The following AMBP variants were observed in gnomAD, a reference collection of about 807,000 sequenced individuals.
AMBP encodes the protein alpha-1-microglobulin/bikunin precursor.
A neutral mutation model predicts 46.3 loss-of-function variants in AMBP; 37 were observed. The observed-to-expected ratio is 0.80, with a 90% confidence interval of 0.61 to 1.05. The LOEUF (loss-of-function observed/expected upper bound fraction) is 1.05, where lower values mean the gene tolerates loss of function less well. Ranked by LOEUF, AMBP falls within the 50% of genes least tolerant of loss-of-function variation. The pLI, the probability that AMBP is intolerant of heterozygous loss-of-function variation, is 0.00. For synonymous variants in AMBP, 174 were observed against 175.9 expected (o/e 0.99, Z 0.09); for missense variants, 475 against 461.2 (o/e 1.03, Z -0.27).
Position 114,078,297 on chromosome 9 carries a change from A to C in AMBP, c.-88T>G, listed in dbSNP as rs1406885972. The C allele has an allele frequency of 1.5e-6, 2 of 1,316,052 alleles. No homozygotes were observed. The highest frequency in any genetic ancestry group is 1.5e-5 in the African/African-American group (1 of 68,692). 81.5% of individuals were successfully genotyped at this position (1,316,052 alleles called of 1,614,324 possible). On this transcript the variant is annotated 5_prime_UTR_variant, in exon 1 of 10. Coordinates refer to ENST00000265132, the MANE Select transcript of AMBP (RefSeq NM_001633.4). ...GCCTCCCTGCAACAGGGCAGCTGTG[A>C]ACTGAGGCTGGGGAAGGGGCCTGTG...
Position 114,061,438 on chromosome 9 carries a change from G to A in AMBP, c.839C>T (p.Thr280Ile). ...CCCGCACTCACCCACAGTTCGGCAG[G>A]TCTGCAGACACTCCTTTTCTGTGAC... The part of the protein sequence containing the change: ...NFVTEKECLQ[T>I]CRTVAACNLP... Residue 280 changes from threonine (T) to isoleucine (I), a missense_variant, in exon 8 of 10, where the codon ACC becomes ATC. This residue lies in a region of AMBP where 293 missense variants were observed against 276.9 expected (regional missense o/e 1.06). Coordinates refer to ENST00000265132, the MANE Select transcript of AMBP (RefSeq NM_001633.4). 6.2e-7 allele frequency: 1 copy of A among 1,614,102 alleles called. No homozygotes were observed. Among genetic ancestry groups the A allele is most frequent in the Non-Finnish European group, 8.5e-7 (1 of 1,180,010 alleles).
At chr9:114,069,806 A>C in intron 5 of AMBP, 61 bp from the exon 6 acceptor site, 2 of 1,566,822 alleles carry the variant, frequency 1.3e-6, no homozygotes, top group Non-Finnish European at 1.8e-6. Flanking sequence ...GCCATCCTAG[A>C]CCCGGATTTG....
At position 114,062,696 on chromosome 9, in the gene AMBP, A is replaced by AGTT; in HGVS notation, c.663_665dup (p.Thr222dup). On this transcript the variant is annotated inframe_insertion, in exon 7 of 10. Coordinates refer to ENST00000265132, the MANE Select transcript of AMBP (RefSeq NM_001633.4). ...CATTACCTTCTTTCTTGGTGACTTC[A>AGTT]GTTACCAGTTGCCCACCCCCTGATC... 1 of 1,613,866 alleles carries AGTT rather than the reference A, an allele frequency of 6.2e-7. No homozygotes were observed. Among genetic ancestry groups the AGTT allele is most frequent in the Non-Finnish European group, 8.5e-7 (1 of 1,179,976 alleles).
At chr9:114,063,096 A>G (rs1846658331) in intron 6 of AMBP, among the ~76,000 whole-genome samples, 1 of 152,156 alleles carries the variant, frequency 6.6e-6, no homozygotes, top group Non-Finnish European at 1.5e-5. Context: ...CCCTCACACT[A>G]AAGATGTGAA....
chr9:114,061,451 CCTTTT>C lies in AMBP; in HGVS notation c.821_825del (p.Glu274GlyfsTer31), dbSNP rs1258879878. ...ACAGTTCGGCAGGTCTGCAGACACT[CCTTTT>C]CTGTGACGAAGTTGTTACCGTTGCC... On this transcript the variant is annotated frameshift_variant, in exon 8 of 10. Coordinates refer to ENST00000265132, the MANE Select transcript of AMBP (RefSeq NM_001633.4). LOFTEE classifies it high-confidence loss of function. The C allele has an allele frequency of 6.2e-7, 1 of 1,614,096 alleles. No homozygotes were observed. The highest frequency in any genetic ancestry group is 8.5e-7 in the Non-Finnish European group (1 of 1,180,020).
chr9:114,075,136 G>T, intron 2 of AMBP, 100 bp from the exon 3 acceptor site: 1 of 911,946 alleles, frequency 1.1e-6, no homozygotes, highest in Non-Finnish European at 1.7e-6. Flanking sequence ...CTTGGTTTTG[G>T]GGTTTTTTTG....
chr9:114,065,110 A>G (rs1588488599), intron 6 of AMBP, among the ~76,000 whole-genome samples: 2 of 152,208 alleles, frequency 1.3e-5, no homozygotes, highest in Non-Finnish European at 2.9e-5. Flanking sequence ...CATCCAGAAC[A>G]TTCAGCAGTC....
intron 6 of AMBP, among the ~76,000 whole-genome samples, chr9:114,067,711 T>C (rs138332228): frequency 4.2e-3 from 637 of 152,228 alleles, no homozygotes; most frequent in Non-Finnish European, 3.8e-3. Context: ...TTCATAGCAA[T>C]AATCGGCGCT....
Position 114,060,186 on chromosome 9 carries a change from C to T in AMBP, c.*53G>A, listed in dbSNP as rs1846618143. On this transcript the variant is annotated 3_prime_UTR_variant, in exon 10 of 10. Transcript: ENST00000265132. Reference sequence around the variant, plus strand: ...CCAGGTTGCTTGGCGCTGCCTGCCACAGGACCCCGGGACAGACACTGGCCA... The same window carrying T: ...CCAGGTTGCTTGGCGCTGCCTGCCATAGGACCCCGGGACAGACACTGGCCA... 1 of 1,578,174 alleles carries T rather than the reference C, an allele frequency of 6.3e-7. No individual in the cohort carries two copies. Among genetic ancestry groups the T allele is most frequent in the Non-Finnish European group, 8.6e-7 (1 of 1,159,896 alleles).
intron 7 of AMBP, 66 bp downstream of exon 7, chr9:114,062,611 G>T: frequency 6.6e-7 from 1 of 1,518,160 alleles, no homozygotes; most frequent in Non-Finnish European, 9.1e-7. Context: ...TAGCCAGGGT[G>T]AGCCAACTGT....
In AMBP at chr9:114,060,951, C is replaced by G. The variant is rs758356597; in HGVS notation, c.1001G>C (p.Arg334Thr). The change falls in exon 9 of 10, where the codon AGA becomes ACA. Residue 334 changes from arginine to threonine, a missense_variant. Around this residue, in one of 3 missense-constraint regions of AMBP, gnomAD observed 293 missense variants for 276.9 expected, o/e 1.06. Coordinates refer to ENST00000265132, the MANE Select transcript of AMBP (RefSeq NM_001633.4). Reference sequence around the variant, plus strand: ...ATCACCAGGGACACCGCAGTACTCTCTGCACTCCTTCTCTGAGTAGAACTT... The same window carrying G: ...ATCACCAGGGACACCGCAGTACTCTGTGCACTCCTTCTCTGAGTAGAACTT... ...GNKFYSEKEC[R>T]EYCGVPGDGD... 2.2e-5 allele frequency: 36 copies of G among 1,614,230 alleles called. No individual in the cohort carries two copies. In the East Asian group the frequency reaches 7.1e-4, roughly 32 times the overall value.
chr9:114,076,471 G>A, intron 2 of AMBP, 127 bp downstream of exon 2: 2 of 1,359,432 alleles, frequency 1.5e-6, no homozygotes, highest in Non-Finnish European at 2.0e-6. Flanking sequence ...AGCGTAGAGG[G>A]ATCTGGGGTT....
At chr9:114,070,484 C>T (rs1338462847) in intron 5 of AMBP, among the ~76,000 whole-genome samples, 1 of 152,200 alleles carries the variant, frequency 6.6e-6, no homozygotes, top group Non-Finnish European at 1.5e-5. Context: ...CCCCGGAGCC[C>T]ACCTCTGGGA....
chr9:114,061,240 G>A (rs571338343), intron 8 of AMBP, 142 bp from the exon 9 acceptor site: 147 of 1,390,174 alleles, frequency 1.1e-4, no homozygotes, highest in South Asian at 6.9e-4. Context: ...GGGCCCACAG[G>A]AAGAAAATGA....
intron 1 of AMBP, 59 bp from the exon 2 acceptor site, chr9:114,076,799 G>A: frequency 1.3e-6 from 2 of 1,577,420 alleles, no homozygotes; most frequent in Non-Finnish European, 1.7e-6. Context: ...AGCAGACCTG[G>A]CTGACATCTG....
At chr9:114,076,117 G>A (rs548412865) in intron 2 of AMBP, among the ~76,000 whole-genome samples, 1 of 152,186 alleles carries the variant, frequency 6.6e-6, no homozygotes, top group East Asian at 1.9e-4. Flanking sequence ...GGGTGAAGAG[G>A]GGATGGGGTG....
chr9:114,073,673 A>AT (rs1269293043), intron 4 of AMBP, among the ~76,000 whole-genome samples: 2 of 151,716 alleles, frequency 1.3e-5, no homozygotes, highest in Non-Finnish European at 2.9e-5. Context: ...TAATTCTTTA[A>AT]TTTTTTGTAG....
chr9:114,076,513 C>A, intron 2 of AMBP, 85 bp downstream of exon 2: 1 of 1,551,960 alleles, frequency 6.4e-7, no homozygotes, highest in East Asian at 2.3e-5. Flanking sequence ...AAGCAGAGAT[C>A]TGCAACTTCC....
At chr9:114,070,437 A>T (rs1588490281) in intron 5 of AMBP, among the ~76,000 whole-genome samples, 1 of 152,300 alleles carries the variant, frequency 6.6e-6, no homozygotes, top group East Asian at 1.9e-4. Context: ...CTCGCCCACC[A>T]TCACTGCGGA....
Sources: gnomAD v4.1 joint callset for allele counts (sites outside exome capture counted in the v4.1 genomes callset) on GRCh38, gnomAD v4.1.1 for gene constraint, gnomAD v4.1.1 regional missense constraint, MANE v1.5 for transcripts, NCBI Gene and HGNC (gene_info 2026-07-23, HGNC 2026-07-21) for gene names.